KRT33B: variants seen among roughly 807,000 people sequenced by gnomAD.
KRT33B encodes the protein keratin, type I cuticular Ha3-II.
In KRT33B, 37 loss-of-function variants were observed where a neutral mutation model predicts 42.7. The ratio of observed to expected loss-of-function variants is 0.87; its 90% confidence interval spans 0.67 to 1.14. KRT33B has a LOEUF of 1.14. Among genes scored for constraint, KRT33B ranks in the 50% most tolerant of loss-of-function variants. KRT33B has a pLI of 0.00. For synonymous variants in KRT33B, 237 were observed against 221.2 expected (o/e 1.07, Z -0.63); for missense variants, 523 against 515.1 (o/e 1.02, Z -0.15).
chr17:41,364,589 T>C (rs2017668921), intron 6 of KRT33B, among the ~76,000 whole-genome samples, 190 bp downstream of exon 6: 1 of 151,506 alleles, frequency 6.6e-6, no homozygotes, highest in Non-Finnish European at 1.5e-5. Flanking sequence ...TGACTATCTT[T>C]TGTAAAAGAA....
At position 41,365,406 on chromosome 17, in the gene KRT33B, A is replaced by T. The variant is rs373505728; in HGVS notation, c.736T>A (p.Trp246Arg). 70 of 1,611,686 alleles carry T rather than the reference A, an allele frequency of 4.3e-5. No homozygotes were observed. The highest frequency in any genetic ancestry group is 5.8e-5 in the Non-Finnish European group (68 of 1,179,530). The change falls in exon 4 of 7, where the codon TGG becomes AGG. Residue 246 changes from tryptophan (W) to arginine (R), a missense_variant. Physicochemically the swap from Trp to Arg is moderately radical, Grantham distance 101. Coordinates refer to ENST00000251646, the MANE Select transcript of KRT33B (RefSeq NM_002279.5). ...VETNRREVEQWFATQTEELNK... is the reference protein window; with the variant it reads ...VETNRREVEQRFATQTEELNK... ...TAGATGCCCACCTGCGTGGCGAACC[A>T]TTGCTCCACTTCCCTGCGGTTGGTT... is the stretch of plus-strand genomic sequence containing the variant.
chr17:41,364,080 G>A, intron 6 of KRT33B, 127 bp from the exon 7 acceptor site: 2 of 642,536 alleles, frequency 3.1e-6, no homozygotes, highest in South Asian at 4.4e-5. Context: ...TGCCTTGTTT[G>A]GATCACTCCT....
intron 1 of KRT33B, among the ~76,000 whole-genome samples, chr17:41,368,703 A>T (rs577602464): frequency 6.6e-6 from 1 of 151,524 alleles, no homozygotes; most frequent in South Asian, 2.1e-4. Flanking sequence ...TCTACAGAAC[A>T]GTGGGCAGTC....
Position 41,369,761 on chromosome 17 carries a change from G to A in KRT33B, c.-11C>T, listed in dbSNP as rs759179416. Reference sequence around the variant, plus strand: ...GAAGTTGTAGGGCATGGTGCAGGGAGGCAGTGGAGCTCTGGAAGTCAGTTT... The same window carrying A: ...GAAGTTGTAGGGCATGGTGCAGGGAAGCAGTGGAGCTCTGGAAGTCAGTTT... On this transcript the variant is annotated 5_prime_UTR_variant, in exon 1 of 7. Coordinates refer to ENST00000251646, the MANE Select transcript of KRT33B (RefSeq NM_002279.5). 1.9e-6 allele frequency: 3 copies of A among 1,610,572 alleles called. No homozygotes were observed. The highest frequency in any genetic ancestry group is 1.7e-4 in the Middle Eastern group (1 of 6,034).
intron 6 of KRT33B, among the ~76,000 whole-genome samples, chr17:41,364,364 G>A (rs766880216): frequency 6.6e-6 from 1 of 151,428 alleles, no homozygotes. Context: ...TCATCTATAA[G>A]AAGGTGATAA....
In KRT33B at chr17:41,365,295, C is replaced by T. The variant is rs1231394722; in HGVS notation, c.756G>A (p.Glu252=). Residue 252 remains glutamate, a synonymous_variant, in exon 5 of 7, where the codon GAG becomes GAA. Coordinates refer to ENST00000251646, the MANE Select transcript of KRT33B (RefSeq NM_002279.5). ...EVEQWFATQT[E]ELNKQVVSSS... ...TGGATACCACCTGCTTGTTCAGCTC[C>T]TCGGTCTGAAACACCCAAGGGGAGA... 6.2e-7 allele frequency: 1 copy of T among 1,612,680 alleles called. No individual in the cohort carries two copies. Among genetic ancestry groups the T allele is most frequent in the Non-Finnish European group, 8.5e-7 (1 of 1,180,000 alleles).
At chr17:41,365,368 G>A (rs367985598) in intron 4 of KRT33B, 24 bp downstream of exon 4, 3 of 1,609,320 alleles carry the variant, frequency 1.9e-6, no homozygotes, top group Non-Finnish European at 2.5e-6. Flanking sequence ...CGGGTCCTGA[G>A]TGGCCACGTG....
Position 41,366,604 on chromosome 17 carries a change from G to A in KRT33B, c.454C>T (p.Arg152Trp), listed in dbSNP as rs139942367. Residue 152 changes from arginine to tryptophan, a missense_variant, in exon 3 of 7, where the codon CGG (arginine) becomes TGG (tryptophan). Arg to Trp is a moderately radical substitution (Grantham distance 101). Coordinates refer to ENST00000251646, the MANE Select transcript of KRT33B (RefSeq NM_002279.5). ...TTGATGTCGGACTCCACCAGCTGCC[G>A]CAGGGACTGCTCCGTCTGGTACCTG... ...RTKYQTEQSL[R>W]QLVESDINSL... 167 of 1,611,606 alleles carry A rather than the reference G, an allele frequency of 1.0e-4. 12 individuals are homozygous for A. In the African/African-American group the frequency reaches 2.0e-3, roughly 19 times the overall value.
chr17:41,365,050 C>T, intron 5 of KRT33B, 51 bp from the exon 6 acceptor site: 2 of 1,609,692 alleles, frequency 1.2e-6, no homozygotes, highest in Non-Finnish European at 1.7e-6. Context: ...TATAGGGTTC[C>T]TCCATGGGGT....
At chr17:41,367,240 T>G (rs7209895) in intron 2 of KRT33B, among the ~76,000 whole-genome samples, 2,785 of 151,516 alleles carry the variant, frequency 0.018, 236 homozygotes, top group African/African-American at 0.065. Context: ...ATTGATTGAT[T>G]CTCTGAAAGG....
chr17:41,366,658 CAA>C (rs376556140), intron 2 of KRT33B, 32 bp from the exon 3 acceptor site: 125 of 1,153,804 alleles, frequency 1.1e-4, no homozygotes, highest in Middle Eastern at 4.3e-4. Context: ...AAAAGAGGTC[CAA>C]AAAAAAAAAG....
Position 41,369,385 on chromosome 17 carries a change from T to C in KRT33B, c.348+18A>G, listed in dbSNP as rs752626633. The C allele has an allele frequency of 6.2e-7, 1 of 1,611,808 alleles. No homozygotes were observed. Among genetic ancestry groups the C allele is most frequent in the Non-Finnish European group, 8.5e-7 (1 of 1,178,894 alleles). ...TAAGTAGTTCATTAAGCTGGCAGTGTGGTGCCCACCTCCTCACCTTCTGCT... is the reference window on the plus strand; with the variant it reads ...TAAGTAGTTCATTAAGCTGGCAGTGCGGTGCCCACCTCCTCACCTTCTGCT... On this transcript the variant is annotated intron_variant, in intron 1 of 6. Coordinates refer to ENST00000251646, the MANE Select transcript of KRT33B (RefSeq NM_002279.5).
rs754467618 is a variant in KRT33B at position 41,369,684 on chromosome 17, G to C, written c.67C>G (p.Pro23Ala). 1.2e-6 allele frequency: 2 copies of C among 1,613,860 alleles called. No individual in the cohort carries two copies. The highest frequency in any genetic ancestry group is 1.1e-5 in the South Asian group (1 of 91,076). Residue 23 changes from proline (P) to alanine (A), a missense_variant, in exon 1 of 7, where the codon CCC becomes GCC. By Grantham distance (27) the Pro-to-Ala change is conservative (BLOSUM62 -1). Transcript: ENST00000251646. ...AGGGTGTAGCCGTGGCAGCTGGGGG[G>C]CACACAGGGCCGGGAGGAGCAGCTG... ...RTSCSSRPCVPPSCHGYTLPG... is the reference protein window; with the variant it reads ...RTSCSSRPCVAPSCHGYTLPG...
rs777240092 is a variant in KRT33B, at chr17:41,366,461, G to A, written c.588+9C>T. 7 of 1,611,646 alleles carry A rather than the reference G, an allele frequency of 4.3e-6. No individual in the cohort carries two copies. Among genetic ancestry groups the A allele is most frequent in the Non-Finnish European group, 5.9e-6 (7 of 1,179,974 alleles). Reference sequence around the variant, plus strand: ...TCAGTATTGGGATATTGGGGGCTGGGACTCTTACCTGCTCATGGTTCTGCT... The same window carrying A: ...TCAGTATTGGGATATTGGGGGCTGGAACTCTTACCTGCTCATGGTTCTGCT... On this transcript the variant is annotated intron_variant, in intron 3 of 6. Coordinates refer to ENST00000251646, the MANE Select transcript of KRT33B (RefSeq NM_002279.5).
Position 41,363,921 on chromosome 17 carries a change from G to A in KRT33B, c.1130C>T (p.Ala377Val), listed in dbSNP as rs1178125577. 1.2e-6 allele frequency: 2 copies of A among 1,611,448 alleles called. No homozygotes were observed. The highest frequency in any genetic ancestry group is 2.2e-5 in the East Asian group (1 of 44,896). ...ACAGGATCCAATGGGCTTTTCACAT[G>A]CATTGGTGGTGGCGCAGGGGTTGGA... ...LPSNPCATTN[A>V]CEKPIGSCVT... Residue 377 changes from alanine to valine, a missense_variant, in exon 7 of 7, where the codon GCA becomes GTA. By Grantham distance (64) the Ala-to-Val change is moderately conservative. Coordinates refer to ENST00000251646, the MANE Select transcript of KRT33B (RefSeq NM_002279.5).
At position 41,366,627 on chromosome 17, in the gene KRT33B, C is replaced by G. The variant is rs755842069; in HGVS notation, c.432-1G>C. The stretch of plus-strand genomic sequence containing the variant: ...CCGCAGGGACTGCTCCGTCTGGTAC[C>G]TGCACACACAGCCAGAGGTCAAAAG... On this transcript the variant is annotated splice_acceptor_variant, in intron 2 of 6. Transcript: ENST00000251646. LOFTEE classifies it high-confidence loss of function. 12 of 1,601,956 alleles carry G rather than the reference C, an allele frequency of 7.5e-6. No individual in the cohort carries two copies. In the Admixed American group the frequency reaches 2.1e-4, roughly 28 times the overall value.
Position 41,369,689 on chromosome 17 carries a change from C to T in KRT33B, c.62G>A (p.Cys21Tyr). Residue 21 changes from cysteine to tyrosine, a missense_variant, in exon 1 of 7, where the codon TGT becomes TAT. Transcript: ENST00000251646. Reference protein sequence around the residue: ...SCRTSCSSRPCVPPSCHGYTL... With the variant: ...SCRTSCSSRPYVPPSCHGYTL... ...GTAGCCGTGGCAGCTGGGGGGCACA[C>T]AGGGCCGGGAGGAGCAGCTGGTGCG... The T allele has an allele frequency of 6.2e-7, 1 of 1,613,968 alleles. No homozygotes were observed. The highest frequency in any genetic ancestry group is 8.5e-7 in the Non-Finnish European group (1 of 1,179,952).
chr17:41,364,747 C>T, intron 6 of KRT33B, 32 bp downstream of exon 6: 1 of 1,611,422 alleles, frequency 6.2e-7, no homozygotes, highest in Non-Finnish European at 8.5e-7. Flanking sequence ...AGTGCCTGTC[C>T]CTTGCAGGGG....
rs749375058 is a variant in KRT33B, at chr17:41,369,710, G to A, written c.41C>T (p.Thr14Ile). 5 of 1,613,922 alleles carry A rather than the reference G, an allele frequency of 3.1e-6. No individual in the cohort carries two copies. Among genetic ancestry groups the A allele is most frequent in the South Asian group, 2.2e-5 (2 of 91,056 alleles). Residue 14 changes from threonine (T) to isoleucine (I), a missense_variant, in exon 1 of 7, where the codon ACC becomes ATC. Transcript: ENST00000251646. ...NFCLPSLSCR[T>I]SCSSRPCVPP... ...CACACAGGGCCGGGAGGAGCAGCTGGTGCGGCAGCTCAGGCTGGGCAGGCA... is the reference window on the plus strand; with the variant it reads ...CACACAGGGCCGGGAGGAGCAGCTGATGCGGCAGCTCAGGCTGGGCAGGCA...
Sources: gnomAD v4.1 joint callset for allele counts (sites outside exome capture counted in the v4.1 genomes callset) on GRCh38, gnomAD v4.1.1 for gene constraint, MANE v1.5 for transcripts, NCBI Gene and HGNC (gene_info 2026-07-23, HGNC 2026-07-21) for gene names.